The following GPAT4 variants were observed in gnomAD, a reference collection of about 807,000 sequenced individuals.
The protein encoded by GPAT4 is glycerol-3-phosphate acyltransferase 4, also known as 1-AGP acyltransferase 6.
Under a neutral mutation model 58.0 loss-of-function variants are expected in GPAT4, and 17 were observed. The ratio of observed to expected loss-of-function variants is 0.29; its 90% CI spans 0.20 to 0.44. GPAT4 has a LOEUF of 0.44. GPAT4 is among the 20% of genes least tolerant of loss of function. The pLI is 1.00. For missense variants in GPAT4, 377 were observed against 574.5 expected, an observed-to-expected ratio of 0.66 and a Z score of 3.51; for synonymous variants, 204 against 210.1, an observed-to-expected ratio of 0.97 and a Z score of 0.25.
chr8:41,599,283 A>G lies in GPAT4; in HGVS notation c.144A>G (p.Lys48=), dbSNP rs1803017873. 1 of 1,613,992 alleles carries G rather than the reference A, an allele frequency of 6.2e-7. No homozygotes were observed. Among genetic ancestry groups the G allele is most frequent in the Non-Finnish European group, 8.5e-7 (1 of 1,179,974 alleles). Reference sequence around the variant, plus strand: ...TTGGTATCCGCAAACTCTACATGAAAAGTCTGTTAAAAATCTTTGCGGTAA... The same window carrying G: ...TTGGTATCCGCAAACTCTACATGAAGAGTCTGTTAAAAATCTTTGCGGTAA... ...VSFGIRKLYM[K]SLLKIFAWAT... is the part of the protein sequence containing the mutation. Residue 48 remains lysine, a synonymous_variant, in exon 2 of 13, where the codon AAA becomes AAG. Coordinates refer to ENST00000396987, the MANE Select transcript of GPAT4 (RefSeq NM_178819.4).
chr8:41,578,879 G>A (rs2150475905), intron 1 of GPAT4, among the ~76,000 whole-genome samples: 1 of 152,328 alleles, frequency 6.6e-6, no homozygotes, highest in Middle Eastern at 3.4e-3. Flanking sequence ...CTGAAGTTTA[G>A]CTGTTCAGAA....
At chr8:41,619,098 G>A in intron 12 of GPAT4, 121 bp downstream of exon 12, 6 of 1,240,684 alleles carry the variant, frequency 4.8e-6, no homozygotes, top group Non-Finnish European at 6.8e-6. Flanking sequence ...AGAGAGAGCA[G>A]TTTGACTCTC....
chr8:41,595,253 A>G (rs1254277845), intron 1 of GPAT4, among the ~76,000 whole-genome samples: 2 of 148,212 alleles, frequency 1.3e-5, no homozygotes, highest in African/African-American at 5.0e-5. Context: ...TTGTATGGTA[A>G]TTAAGATTTA....
At chr8:41,618,497 G>C (rs1803657382) in intron 10 of GPAT4, 187 bp from the exon 11 acceptor site, 3 of 707,664 alleles carry the variant, frequency 4.2e-6, no homozygotes, top group East Asian at 2.5e-5. Flanking sequence ...TTCCTCGGGG[G>C]AGATCAGTGT....
rs776686044 is a variant in GPAT4, at chr8:41,609,840, G to A, written c.421G>A (p.Glu141Lys). 2 of 1,614,232 alleles carry A rather than the reference G, an allele frequency of 1.2e-6. No individual in the cohort carries two copies. Among genetic ancestry groups the A allele is most frequent in the Admixed American group, 3.3e-5 (2 of 60,026 alleles). The part of the protein sequence containing the change: ...VTKRFSAEEL[E>K]SWNLLSRTNY... ...AAAGAGATTCTCAGCAGAAGAACTG[G>A]AGTCCTGGAACCTGCTGAGCAGAAC... Residue 141 changes from glutamate to lysine, a missense_variant, in exon 4 of 13, where the codon GAG becomes AAG. Coordinates refer to ENST00000396987, the MANE Select transcript of GPAT4 (RefSeq NM_178819.4).
At chr8:41,590,358 A>G (rs1194384254) in intron 1 of GPAT4, among the ~76,000 whole-genome samples, 1 of 152,234 alleles carries the variant, frequency 6.6e-6, no homozygotes, top group Admixed American at 6.5e-5. Flanking sequence ...AAGTGGGATT[A>G]CAGGCATGAG....
intron 1 of GPAT4, among the ~76,000 whole-genome samples, chr8:41,578,825 C>G (rs1802434444): frequency 6.6e-6 from 1 of 152,232 alleles, no homozygotes; most frequent in Non-Finnish European, 1.5e-5. Flanking sequence ...CATCCTTCTC[C>G]CAGTGGGGCT....
chr8:41,601,622 A>G (rs1803100681), intron 2 of GPAT4, among the ~76,000 whole-genome samples: 1 of 152,208 alleles, frequency 6.6e-6, no homozygotes, highest in Non-Finnish European at 1.5e-5. Context: ...ATTAAAAGGT[A>G]GAAGTAAGAG....
intron 9 of GPAT4, 25 bp from the exon 10 acceptor site, chr8:41,614,938 C>T (rs957712411): frequency 1.9e-6 from 3 of 1,591,234 alleles, no homozygotes; most frequent in African/African-American, 1.3e-5. Context: ...ACAGAAATAG[C>T]ATTTTATTGT....
rs1269841430 is a variant in GPAT4, at chr8:41,598,696, ATTC to A, written c.-437_-435del. On this transcript the variant is annotated 5_prime_UTR_variant, in exon 2 of 13. Coordinates refer to ENST00000396987, the MANE Select transcript of GPAT4 (RefSeq NM_178819.4). Reference sequence around the variant, plus strand: ...CAGGATTTTTCTGGCACCAAGTTTAATTCTTCTTCGTACTTCTGGTAGTGACAG... The same window carrying A: ...CAGGATTTTTCTGGCACCAAGTTTAATTCTTCGTACTTCTGGTAGTGACAG... 3 of 157,230 alleles carry A rather than the reference ATTC, an allele frequency of 1.9e-5. No individual in the cohort carries two copies. The highest frequency in any genetic ancestry group is 4.2e-5 in the Non-Finnish European group (3 of 71,744). The allele number at this position is 157,230 out of a possible 1,614,324, so 9.7% of individuals were successfully genotyped here.
intron 1 of GPAT4, among the ~76,000 whole-genome samples, chr8:41,590,361 G>A (rs1469896451): frequency 6.6e-6 from 1 of 152,236 alleles, no homozygotes; most frequent in Non-Finnish European, 1.5e-5. Flanking sequence ...TGGGATTACA[G>A]GCATGAGCCA....
chr8:41,601,317 T>G (rs376499792), intron 2 of GPAT4, among the ~76,000 whole-genome samples: 12 of 151,998 alleles, frequency 7.9e-5, no homozygotes, highest in Admixed American at 6.5e-4. Flanking sequence ...ATTTGAGGAG[T>G]AGTGATCTAG....
At chr8:41,606,410 C>CT in intron 2 of GPAT4, among the ~76,000 whole-genome samples, 1 of 152,136 alleles carries the variant, frequency 6.6e-6, no homozygotes, top group East Asian at 1.9e-4. Context: ...CCTCACACAT[C>CT]TGGTATCAGG....
In GPAT4 at chr8:41,610,300, T is replaced by C. The variant is rs115113364; in HGVS notation, c.536+345T>C. The C allele has an allele frequency of 2.6e-3, 3,142 of 1,221,922 alleles. 74 individuals are homozygous for C. The African/African-American group carries it at 0.044, about 17-fold the overall frequency. 75.7% of individuals were successfully genotyped at this position (1,221,922 alleles called of 1,614,324 possible). On this transcript the variant is annotated intron_variant, in intron 4 of 12. Transcript: ENST00000396987. The stretch of plus-strand genomic sequence containing the variant: ...CTCTCAGGTACAGGGGCAGTATTGA[T>C]CTTTCAGCTTCTCTGCACCATGTGC...
intron 5 of GPAT4, among the ~76,000 whole-genome samples, 175 bp from the exon 6 acceptor site, chr8:41,611,728 C>G (rs1803450590): frequency 6.6e-6 from 1 of 152,172 alleles, no homozygotes; most frequent in South Asian, 2.1e-4. Flanking sequence ...TCCCCTCTTT[C>G]TCTCCTCATG....
chr8:41,618,864 G>T, intron 11 of GPAT4, 34 bp from the exon 12 acceptor site: 1 of 1,614,218 alleles, frequency 6.2e-7, no homozygotes, highest in Non-Finnish European at 8.5e-7. Context: ...ACGTCAAGCC[G>T]GGGCTGAGTG....
In GPAT4 at chr8:41,618,826, C is replaced by T; in HGVS notation, c.1182+14C>T. 1 of 1,614,192 alleles carries T rather than the reference C, an allele frequency of 6.2e-7. No individual in the cohort carries two copies. ...ATGACTAGAGAGGTGAGTGCCTGCC[C>T]CAGGCAGGTCTGCGCCTGCTCTGTG... On this transcript the variant is annotated intron_variant, in intron 11 of 12. Transcript: ENST00000396987.
At chr8:41,611,733 C>T (rs1165615880) in intron 5 of GPAT4, among the ~76,000 whole-genome samples, 170 bp from the exon 6 acceptor site, 1 of 152,186 alleles carries the variant, frequency 6.6e-6, no homozygotes, top group African/African-American at 2.4e-5. Context: ...TCTTTCTCTC[C>T]TCATGTGTGA....
At chr8:41,582,544 G>C (rs1021958129) in intron 1 of GPAT4, among the ~76,000 whole-genome samples, 2 of 151,692 alleles carry the variant, frequency 1.3e-5, no homozygotes, top group African/African-American at 4.8e-5. Context: ...TTTTTGATCA[G>C]TGCTGTCCCA....
Sources: allele counts gnomAD v4.1 joint callset (sites outside exome capture counted in the v4.1 genomes callset), GRCh38; gene constraint gnomAD v4.1.1; transcripts MANE v1.5; gene names NCBI Gene and HGNC (gene_info 2026-07-23, HGNC 2026-07-21).